The following EZH2 variants were observed in gnomAD, a reference collection of about 807,000 sequenced individuals.
EZH2 encodes the protein histone-lysine N-methyltransferase EZH2.
A neutral mutation model predicts 98.4 loss-of-function variants in EZH2; 18 were observed. The observed-to-expected ratio is 0.18, with a 90% CI of 0.13 to 0.27. The LOEUF is 0.27. Ranked by LOEUF, EZH2 falls within the 10% of genes least tolerant of loss-of-function variation. EZH2 has a pLI of 1.00. For missense variants in EZH2, 470 were observed against 935.1 expected, an observed-to-expected ratio of 0.50 and a Z score of 6.49; for synonymous variants, 338 against 312.3, an observed-to-expected ratio of 1.08 and a Z score of -0.87.
intron 1 of EZH2, chr7:148,850,445 A>G (rs530940325): frequency 2.1e-6 from 2 of 966,488 alleles, no homozygotes; most frequent in African/African-American, 1.8e-5. Flanking sequence ...TCTACCATTA[A>G]TAACATACCT....
intron 1 of EZH2, among the ~76,000 whole-genome samples, chr7:148,882,497 A>G (rs1207475346): frequency 1.3e-5 from 2 of 152,256 alleles, no homozygotes; most frequent in Non-Finnish European, 2.9e-5. Flanking sequence ...GAGACCATGA[A>G]TAGAAAATTA....
chr7:148,866,770 A>G (rs1188397451), intron 1 of EZH2, among the ~76,000 whole-genome samples: 1 of 149,312 alleles, frequency 6.7e-6, no homozygotes, highest in Admixed American at 6.7e-5. Flanking sequence ...GCTAGAGGGC[A>G]GTGGCGTAAT....
At chr7:148,850,791 CAG>C (rs758641312) in intron 1 of EZH2, among the ~76,000 whole-genome samples, 4 of 152,144 alleles carry the variant, frequency 2.6e-5, no homozygotes, top group East Asian at 3.8e-4. Context: ...CCTAAAGCTG[CAG>C]ATAGTACTAA....
rs1243721732 is a variant in EZH2, at chr7:148,873,504, A to AAAAAAG, written c.-8+10659_-8+10660insCTTTTT. On this transcript the variant is annotated intron_variant, in intron 1 of 19. Coordinates refer to ENST00000320356, the MANE Select transcript of EZH2 (RefSeq NM_004456.5). ...GAGACTCTGTCTCAAAAAAAAAAAA[A>AAAAAAG]AAAAAAGAAAGATCATTGTAAGATC... Among the ~76,000 whole-genome samples, 4 of 150,154 alleles carry AAAAAAG rather than the reference A, an allele frequency of 2.7e-5. No homozygotes were observed. The East Asian group carries it at 7.7e-4, about 29-fold the overall frequency.
At chr7:148,838,043 G>A (rs1407286347) in intron 3 of EZH2, among the ~76,000 whole-genome samples, 1 of 145,434 alleles carries the variant, frequency 6.9e-6, no homozygotes, top group Non-Finnish European at 1.5e-5. Flanking sequence ...TTGGAATACA[G>A]TATCGGGAAG....
At position 148,847,419 on chromosome 7, in the gene EZH2, T is replaced by C. The variant is rs1307455624; in HGVS notation, c.-7-114A>G. 15 of 1,297,164 alleles carry C rather than the reference T, an allele frequency of 1.2e-5. No individual in the cohort carries two copies. The African/African-American group carries it at 2.1e-4, about 18-fold the overall frequency. 80.4% of individuals were successfully genotyped at this position (1,297,164 alleles called of 1,614,324 possible). On this transcript the variant is annotated intron_variant, in intron 1 of 19. Coordinates refer to ENST00000320356, the MANE Select transcript of EZH2 (RefSeq NM_004456.5). ...AGTGAAGAAATGACACATATTACAC[T>C]GTTGGCATTTACAGAAAGGTGCTCA...
chr7:148,860,501 G>A (rs1817507556), intron 1 of EZH2, among the ~76,000 whole-genome samples: 1 of 152,018 alleles, frequency 6.6e-6, no homozygotes, highest in African/African-American at 2.4e-5. Context: ...TATTCACATA[G>A]TAATTAGCTA....
chr7:148,835,741 G>C, intron 3 of EZH2, among the ~76,000 whole-genome samples: 1 of 152,130 alleles, frequency 6.6e-6, no homozygotes. Context: ...TTAATGGGGA[G>C]TGGGCTGCCT....
intron 1 of EZH2, among the ~76,000 whole-genome samples, chr7:148,879,880 G>A (rs1015620029): frequency 6.6e-6 from 1 of 151,730 alleles, no homozygotes; most frequent in Non-Finnish European, 1.5e-5. Flanking sequence ...CAAGGCAGGA[G>A]GATTGCCTGG....
intron 8 of EZH2, among the ~76,000 whole-genome samples, chr7:148,822,791 T>C (rs1267098424): frequency 6.6e-6 from 1 of 150,998 alleles, no homozygotes; most frequent in Non-Finnish European, 1.5e-5. Context: ...AAAATAAAAA[T>C]ATGAGCCAGG....
chr7:148,859,227 C>T (rs1016743057), intron 1 of EZH2, among the ~76,000 whole-genome samples: 1 of 152,116 alleles, frequency 6.6e-6, no homozygotes, highest in Non-Finnish European at 1.5e-5. Context: ...AACAAAGTGT[C>T]AGGTGCAGTA....
chr7:148,810,068 C>T (rs566573546), intron 17 of EZH2: 3 of 350,618 alleles, frequency 8.6e-6, no homozygotes, highest in Non-Finnish European at 1.1e-5. Flanking sequence ...AAGAGCACAA[C>T]GTCCCCTTCA....
intron 1 of EZH2, among the ~76,000 whole-genome samples, chr7:148,871,557 T>A (rs1239791430): frequency 1.3e-5 from 2 of 150,132 alleles, no homozygotes; most frequent in Non-Finnish European, 3.0e-5. Context: ...AAGTTTCACA[T>A]CCCACAAATA....
intron 3 of EZH2, among the ~76,000 whole-genome samples, chr7:148,845,769 A>C (rs954340856): frequency 2.0e-5 from 3 of 152,108 alleles, no homozygotes; most frequent in African/African-American, 7.2e-5. Context: ...TTTTGCTTCA[A>C]CTCCCCTTTA....
At chr7:148,811,307 C>T (rs778140051) in intron 16 of EZH2, among the ~76,000 whole-genome samples, 6 of 152,138 alleles carry the variant, frequency 3.9e-5, no homozygotes, top group South Asian at 4.1e-4. Context: ...TGCACCACCA[C>T]GCCCGGCTAA....
Position 148,810,206 on chromosome 7 carries a change from C to T in EZH2, c.2029+127G>A, listed in dbSNP as rs143808608. 3.4e-3 allele frequency: 1,991 copies of T among 581,852 alleles called. 21 individuals are homozygous for T. The highest frequency in any genetic ancestry group is 0.032 in the African/African-American group (1,738 of 55,146). 36.0% of individuals were successfully genotyped at this position (581,852 alleles called of 1,614,324 possible). A position where few individuals can be genotyped will look rare whatever the true frequency, so the allele number is the denominator to read the frequency against. ...AGTTCCTTTCAAGCAAGCAGCCCCCCATGCCTCTAAGGAGATCCTCCTTCT... is the reference window on the plus strand; with the variant it reads ...AGTTCCTTTCAAGCAAGCAGCCCCCTATGCCTCTAAGGAGATCCTCCTTCT... On this transcript the variant is annotated intron_variant, in intron 17 of 19. Coordinates refer to ENST00000320356, the MANE Select transcript of EZH2 (RefSeq NM_004456.5).
At chr7:148,879,000 G>A (rs926894220) in intron 1 of EZH2, among the ~76,000 whole-genome samples, 8 of 151,656 alleles carry the variant, frequency 5.3e-5, no homozygotes, top group African/African-American at 1.5e-4. Context: ...CGAGGCAGGC[G>A]GATCATCTGA....
chr7:148,833,456 CAAAAAAAAAA>C (rs770977896), intron 3 of EZH2, among the ~76,000 whole-genome samples: 4,520 of 77,394 alleles, frequency 0.058, 110 homozygotes, highest in Non-Finnish European at 0.084. Context: ...AACTCCGTCT[CAAAAAAAAAA>C]AAAATAAAAT....
intron 9 of EZH2, among the ~76,000 whole-genome samples, chr7:148,819,280 T>C (rs1805362655): frequency 6.6e-6 from 1 of 152,216 alleles, no homozygotes. Context: ...ACTGCATGCC[T>C]GCTTTCTAAG....
Sources: gnomAD v4.1 joint callset for allele counts (sites outside exome capture counted in the v4.1 genomes callset) on GRCh38, gnomAD v4.1.1 for gene constraint, MANE v1.5 for transcripts, NCBI Gene and HGNC (gene_info 2026-07-23, HGNC 2026-07-21) for gene names.